The following NFIC variants were observed in gnomAD, a reference collection of about 807,000 sequenced individuals.
NFIC encodes nuclear factor I C.
In NFIC, 12 loss-of-function variants were observed where a neutral mutation model predicts 54.4. The ratio of observed to expected loss-of-function variants is 0.22; its 90% CI spans 0.14 to 0.36. NFIC has a LOEUF of 0.36. Among genes scored for constraint, NFIC ranks in the 10% least tolerant of loss-of-function variants. NFIC has a pLI of 1.00. For missense variants in NFIC, 575 were observed against 718.2 expected (o/e 0.80, Z 2.28); for synonymous variants, 322 against 319.2 (o/e 1.01, Z -0.09).
At chr19:3,448,019 C>A (rs1481578695) in intron 6 of NFIC, among the ~76,000 whole-genome samples, 1 of 152,250 alleles carries the variant, frequency 6.6e-6, no homozygotes, top group Non-Finnish European at 1.5e-5. Flanking sequence ...ATTCTCCTGC[C>A]TCAGCCTCCC....
intron 3 of NFIC, among the ~76,000 whole-genome samples, chr19:3,432,815 C>T (rs1348045282): frequency 6.6e-6 from 1 of 151,938 alleles, no homozygotes; most frequent in African/African-American, 2.4e-5. Flanking sequence ...GCTGGGACTA[C>T]AGGCGCCTGC....
chr19:3,361,882 C>G (rs773625585), upstream of NFIC, among the ~76,000 whole-genome samples: 3 of 152,168 alleles, frequency 2.0e-5, no homozygotes, highest in Non-Finnish European at 4.4e-5. Flanking sequence ...CTCACGGTGC[C>G]TGTGTCTGCA....
At chr19:3,454,022 G>T (rs997580746) in intron 9 of NFIC, 106 bp downstream of exon 9, 294 of 1,389,264 alleles carry the variant, frequency 2.1e-4, no homozygotes, top group Middle Eastern at 1.6e-3. Context: ...ACCCTGCAGG[G>T]CCTGGCGAGT....
chr19:3,427,556 C>A (rs573977760), intron 3 of NFIC, among the ~76,000 whole-genome samples: 2 of 151,844 alleles, frequency 1.3e-5, no homozygotes, highest in African/African-American at 4.8e-5. Context: ...GGGCCAAGTG[C>A]GGTGGCTCAC....
At chr19:3,441,092 G>A (rs1327816989) in intron 6 of NFIC, among the ~76,000 whole-genome samples, 2 of 152,186 alleles carry the variant, frequency 1.3e-5, no homozygotes, top group African/African-American at 2.4e-5. Context: ...TGGCAGGTGT[G>A]AGCCACCACA....
chr19:3,464,486 T>C lies in NFIC; in HGVS notation c.*1717T>C. The stretch of plus-strand genomic sequence containing the variant: ...GAGGCCTGGGAGGGGGTGTTAGGTG[T>C]TTTAGGGCCACCGAGCTCAAACACA... On this transcript the variant is annotated 3_prime_UTR_variant, in exon 11 of 11. Coordinates refer to ENST00000443272, the MANE Select transcript of NFIC (RefSeq NM_001245002.2). 7.3e-6 allele frequency: 7 copies of C among 954,948 alleles called. No individual in the cohort carries two copies. The highest frequency in any genetic ancestry group is 8.6e-6 in the Non-Finnish European group (7 of 818,248). 59.2% of individuals were successfully genotyped at this position (954,948 alleles called of 1,614,324 possible). A position where few individuals can be genotyped will look rare whatever the true frequency, so the allele number is the denominator to read the frequency against.
chr19:3,449,215 C>A, intron 7 of NFIC, 76 bp downstream of exon 7: 1 of 1,537,234 alleles, frequency 6.5e-7, no homozygotes, highest in Non-Finnish European at 8.7e-7. Flanking sequence ...GGAAGTCCCA[C>A]TGGATGTCTG....
chr19:3,424,324 G>T (rs1490614778), intron 2 of NFIC, among the ~76,000 whole-genome samples: 1 of 151,678 alleles, frequency 6.6e-6, no homozygotes, highest in Middle Eastern at 3.4e-3. Flanking sequence ...CACCGTGCCT[G>T]GCCGTTTTGT....
intron 6 of NFIC, among the ~76,000 whole-genome samples, chr19:3,438,864 G>A (rs1038966745): frequency 1.3e-5 from 2 of 152,154 alleles, no homozygotes; most frequent in Non-Finnish European, 2.9e-5. Flanking sequence ...GCCTAGTGAG[G>A]GAGATGGGTT....
chr19:3,463,622 C>A lies in NFIC; in HGVS notation c.*853C>A, dbSNP rs2082673935. 1 of 979,812 alleles carries A rather than the reference C, an allele frequency of 1.0e-6. No homozygotes were observed. Among genetic ancestry groups the A allele is most frequent in the South Asian group, 4.7e-5 (1 of 21,140 alleles). 60.7% of individuals were successfully genotyped at this position (979,812 alleles called of 1,614,324 possible). ...AAGTCTCTATGCAATTGGCCCCGGC[C>A]CCTCCACCCCCCACCCCCGGCATAG... On this transcript the variant is annotated 3_prime_UTR_variant, in exon 11 of 11. Coordinates refer to ENST00000443272, the MANE Select transcript of NFIC (RefSeq NM_001245002.2).
intron 6 of NFIC, among the ~76,000 whole-genome samples, chr19:3,447,191 C>G (rs911437043): frequency 7.0e-6 from 1 of 142,012 alleles, no homozygotes; most frequent in Admixed American, 7.2e-5. Context: ...CCCAGCTACT[C>G]GGGAGGCTGA....
intron 7 of NFIC, among the ~76,000 whole-genome samples, chr19:3,451,075 C>T (rs977316619): frequency 2.6e-5 from 4 of 152,138 alleles, no homozygotes; most frequent in Non-Finnish European, 5.9e-5. Context: ...CTAAAAATCA[C>T]TGAACTGTTT....
At chr19:3,381,638 GC>G in intron 1 of NFIC, 73 bp from the exon 2 acceptor site, 1 of 1,529,022 alleles carries the variant, frequency 6.5e-7, no homozygotes, top group Non-Finnish European at 8.7e-7. Context: ...TCCGACCTCA[GC>G]CTTCGGGGCC....
rs1389288518 is a variant in NFIC at position 3,464,017 on chromosome 19, A to C, written c.*1248A>C. 7.1e-6 allele frequency: 7 copies of C among 984,898 alleles called. No homozygotes were observed. In the African/African-American group the frequency reaches 1.1e-4, roughly 15 times the overall value. 61.0% of individuals were successfully genotyped at this position (984,898 alleles called of 1,614,324 possible). On this transcript the variant is annotated 3_prime_UTR_variant, in exon 11 of 11. Coordinates refer to ENST00000443272, the MANE Select transcript of NFIC (RefSeq NM_001245002.2). ...GGCCCGAGGGGCAGAGCTGGGCGTCACTTCGCAAGCGTCCTGCCCTGCCGG... is the reference window on the plus strand; with the variant it reads ...GGCCCGAGGGGCAGAGCTGGGCGTCCCTTCGCAAGCGTCCTGCCCTGCCGG...
chr19:3,362,129 C>T (rs1032605889), upstream of NFIC, among the ~76,000 whole-genome samples: 6 of 152,182 alleles, frequency 3.9e-5, no homozygotes, highest in Admixed American at 3.3e-4. Flanking sequence ...GCAGGAGGAG[C>T]AGGGAGGTGG....
In NFIC at chr19:3,446,912, C is replaced by A. The variant is rs575484918; in HGVS notation, c.959-2102C>A. 3.9e-5 allele frequency among the ~76,000 whole-genome samples: 6 copies of A among 152,126 alleles called. No individual in the cohort carries two copies. The East Asian group carries it at 7.7e-4, about 20-fold the overall frequency. ...ATGATGGTGCATGCCTGTGGTCCCA[C>A]CTACCTGGGAGGCTGAGGTGGGAGG... On this transcript the variant is annotated intron_variant, in intron 6 of 10. Coordinates refer to ENST00000443272, the MANE Select transcript of NFIC (RefSeq NM_001245002.2).
chr19:3,441,131 C>G (rs1385733717), intron 6 of NFIC, among the ~76,000 whole-genome samples: 4 of 152,332 alleles, frequency 2.6e-5, no homozygotes, highest in Non-Finnish European at 4.4e-5. Context: ...CTCTATGTCC[C>G]TTCCCAACAT....
intron 1 of NFIC, among the ~76,000 whole-genome samples, chr19:3,378,821 G>A (rs2081150638): frequency 6.6e-6 from 1 of 152,144 alleles, no homozygotes; most frequent in African/African-American, 2.4e-5. Flanking sequence ...GTCTGTTTCT[G>A]TATCAGCACA....
chr19:3,433,350 C>G (rs1479402440), intron 3 of NFIC, among the ~76,000 whole-genome samples, 168 bp from the exon 4 acceptor site: 1 of 152,232 alleles, frequency 6.6e-6, no homozygotes, highest in Non-Finnish European at 1.5e-5. Context: ...AAGGACCCCC[C>G]ACGGGGCCTT....
Sources: gnomAD v4.1 joint callset for allele counts (sites outside exome capture counted in the v4.1 genomes callset) on GRCh38, gnomAD v4.1.1 for gene constraint, MANE v1.5 for transcripts, NCBI Gene and HGNC (gene_info 2026-07-23, HGNC 2026-07-21) for gene names.